ARMC3: variants seen among roughly 807,000 people sequenced by gnomAD.
ARMC3 encodes the protein armadillo repeat containing 3.
A neutral mutation model predicts 90.3 loss-of-function variants in ARMC3; 74 were observed. The ratio of observed to expected loss-of-function variants is 0.82; its 90% CI spans 0.68 to 0.99. The LOEUF (loss-of-function observed/expected upper bound fraction) is 0.99. ARMC3 is among the 50% of genes least tolerant of loss of function. The pLI is 0.00. For synonymous variants in ARMC3, 334 were observed against 361.8 expected (o/e 0.92, Z 0.87); for missense variants, 958 against 1,042.8 (o/e 0.92, Z 1.12).
chr10:22,982,723 G>A, intron 10 of ARMC3, among the ~76,000 whole-genome samples: 1 of 152,108 alleles, frequency 6.6e-6, no homozygotes, highest in Admixed American at 6.5e-5. Flanking sequence ...TATTTGCCCT[G>A]CCTCCATCTC....
chr10:22,944,763 G>C (rs1211972613), intron 2 of ARMC3, among the ~76,000 whole-genome samples: 1 of 152,140 alleles, frequency 6.6e-6, no homozygotes, highest in Non-Finnish European at 1.5e-5. Context: ...TAAGATTTCT[G>C]TGGATTTCCA....
intron 16 of ARMC3, among the ~76,000 whole-genome samples, chr10:23,028,391 C>T (rs1838801920): frequency 6.6e-6 from 1 of 151,992 alleles, no homozygotes; most frequent in African/African-American, 2.4e-5. Context: ...TTTGATCTTA[C>T]TTCTTGAAGC....
At chr10:22,978,790 A>G (rs1836055143) in intron 8 of ARMC3, among the ~76,000 whole-genome samples, 1 of 151,906 alleles carries the variant, frequency 6.6e-6, no homozygotes, top group Non-Finnish European at 1.5e-5. Flanking sequence ...TGCTCCTTAT[A>G]CTGTTATTAT....
At chr10:23,003,919 A>G (rs1441023243) in intron 13 of ARMC3, among the ~76,000 whole-genome samples, 1 of 152,162 alleles carries the variant, frequency 6.6e-6, no homozygotes, top group Non-Finnish European at 1.5e-5. Context: ...AGTCTGAGGT[A>G]GGAGAATCAC....
chr10:22,996,442 T>A (rs1305881389), intron 10 of ARMC3, among the ~76,000 whole-genome samples: 2 of 152,140 alleles, frequency 1.3e-5, no homozygotes, highest in Non-Finnish European at 2.9e-5. Context: ...TTACATGTCA[T>A]CTAACCAAAT....
chr10:22,954,530 G>A (rs1227416034), intron 3 of ARMC3, among the ~76,000 whole-genome samples: 1 of 151,584 alleles, frequency 6.6e-6, no homozygotes, highest in African/African-American at 2.4e-5. Context: ...AAATTAGCTA[G>A]GCATGTTGGT....
chr10:23,021,866 G>A (rs1469036899), intron 16 of ARMC3, among the ~76,000 whole-genome samples: 1 of 152,030 alleles, frequency 6.6e-6, no homozygotes, highest in Non-Finnish European at 1.5e-5. Context: ...TTATATATGA[G>A]TCTTCTGTTG....
intron 7 of ARMC3, among the ~76,000 whole-genome samples, chr10:22,967,484 G>A (rs1238337379): frequency 6.6e-6 from 1 of 152,118 alleles, no homozygotes; most frequent in Non-Finnish European, 1.5e-5. Context: ...CCCCAGAAGA[G>A]GATGCAAAAT....
At chr10:22,973,798 A>T (rs7910703) in intron 8 of ARMC3, among the ~76,000 whole-genome samples, 1 of 119,454 alleles carries the variant, frequency 8.4e-6, no homozygotes. Context: ...TCGCTCTGTC[A>T]CCCAGGCTGG....
chr10:22,949,293 C>T (rs1343092977), intron 3 of ARMC3, among the ~76,000 whole-genome samples: 2 of 151,870 alleles, frequency 1.3e-5, no homozygotes, highest in Non-Finnish European at 1.5e-5. Context: ...AGAAAAAACG[C>T]ATAATAAGAT....
intron 10 of ARMC3, among the ~76,000 whole-genome samples, chr10:22,983,681 G>A (rs1259890018): frequency 6.6e-6 from 1 of 152,064 alleles, no homozygotes; most frequent in African/African-American, 2.4e-5. Flanking sequence ...TTTTGAGGAG[G>A]ATATGGAATC....
chr10:22,979,018 G>A (rs1482230477), intron 8 of ARMC3, among the ~76,000 whole-genome samples: 1 of 152,160 alleles, frequency 6.6e-6, no homozygotes, highest in East Asian at 1.9e-4. Flanking sequence ...CTTTGACCTG[G>A]TACCAGTAGG....
intron 10 of ARMC3, among the ~76,000 whole-genome samples, chr10:22,986,557 A>AC (rs1776843947): frequency 6.8e-6 from 1 of 146,298 alleles, no homozygotes; most frequent in African/African-American, 2.6e-5. Flanking sequence ...ATCTCAAAAA[A>AC]AAAAACAAAA....
At chr10:22,955,647 C>T (rs999852489) in intron 3 of ARMC3, among the ~76,000 whole-genome samples, 160 bp from the exon 4 acceptor site, 1 of 152,048 alleles carries the variant, frequency 6.6e-6, no homozygotes, top group Non-Finnish European at 1.5e-5. Context: ...AGGAAATGTC[C>T]GGGATGTGTG....
intron 2 of ARMC3, among the ~76,000 whole-genome samples, chr10:22,932,506 G>A (rs1833971469): frequency 6.6e-6 from 1 of 152,134 alleles, no homozygotes; most frequent in Non-Finnish European, 1.5e-5. Flanking sequence ...AGACTAGTCT[G>A]GCATCATCAT....
chr10:22,942,526 G>A (rs1834361053), intron 2 of ARMC3, among the ~76,000 whole-genome samples: 1 of 152,182 alleles, frequency 6.6e-6, no homozygotes, highest in Admixed American at 6.5e-5. Flanking sequence ...ATGAAAAGCA[G>A]ATGGATTTAA....
chr10:23,037,731 G>T lies in ARMC3; in HGVS notation c.*252G>T, dbSNP rs759136060. 1.0e-5 allele frequency: 4 copies of T among 390,048 alleles called. No homozygotes were observed. In the East Asian group the frequency reaches 1.7e-4, roughly 17 times the overall value. 24.2% of individuals were successfully genotyped at this position (390,048 alleles called of 1,614,324 possible). A position where few individuals can be genotyped will look rare whatever the true frequency, so the allele number is the denominator to read the frequency against. On this transcript the variant is annotated 3_prime_UTR_variant, in exon 19 of 19. Coordinates refer to ENST00000298032, the MANE Select transcript of ARMC3 (RefSeq NM_173081.5). ...CCCTCACATAAAGCTGATTGTTGTC[G>T]AAATTCATCCAGCCCACTGTGTCCT...
chr10:22,959,530 G>A lies in ARMC3; in HGVS notation c.493G>A (p.Asp165Asn). The A allele has an allele frequency of 6.2e-7, 1 of 1,611,048 alleles. No individual in the cohort carries two copies. Among genetic ancestry groups the A allele is most frequent in the African/African-American group, 1.3e-5 (1 of 74,870 alleles). ...LIRLLSSPDP[D>N]VKKNSMECIY... ...CAGACTACTGAGTAGCCCTGACCCG[G>A]ATGTAAAGAAGAACTCTATGGAATG... is the stretch of plus-strand genomic sequence containing the variant. Residue 165 changes from aspartate to asparagine, a missense_variant, in exon 6 of 19, where the codon GAT (aspartate) becomes AAT (asparagine). Asp to Asn is a conservative substitution (Grantham distance 23, BLOSUM62 1). Coordinates refer to ENST00000298032, the MANE Select transcript of ARMC3 (RefSeq NM_173081.5).
chr10:23,014,910 C>T (rs1396292925), intron 16 of ARMC3, among the ~76,000 whole-genome samples: 1 of 131,758 alleles, frequency 7.6e-6, no homozygotes, highest in Non-Finnish European at 1.7e-5. Context: ...AAAAAAAAAA[C>T]CCCATGACAC....
Sources: allele counts gnomAD v4.1 joint callset (sites outside exome capture counted in the v4.1 genomes callset), GRCh38; gene constraint gnomAD v4.1.1; transcripts MANE v1.5; gene names NCBI Gene and HGNC (gene_info 2026-07-23, HGNC 2026-07-21).